ST18: variants seen among roughly 807,000 people sequenced by gnomAD.
ST18 encodes suppression of tumorigenicity 18 protein.
In ST18, 50 loss-of-function variants were observed where a neutral mutation model predicts 110.0. The ratio of observed to expected loss-of-function variants is 0.45; its 90% CI spans 0.36 to 0.58. The LOEUF (loss-of-function observed/expected upper bound fraction) is 0.58, where lower values mean the gene tolerates loss of function less well. Among genes scored for constraint, ST18 ranks in the 20% least tolerant of loss-of-function variants. The probability of loss-of-function intolerance (pLI) is 0.00; values close to 1 mark genes in which losing one functional copy is unlikely to be tolerated. For missense variants in ST18, 1,306 were observed against 1,280.1 expected (o/e 1.02, Z -0.31); for synonymous variants, 461 against 452.4 (o/e 1.02, Z -0.24).
chr8:52,302,667 T>C (rs1370277002), intron 2 of ST18, among the ~76,000 whole-genome samples: 2 of 152,172 alleles, frequency 1.3e-5, no homozygotes, highest in African/African-American at 4.8e-5. Flanking sequence ...TATGGGAATA[T>C]ATCAAAAGGA....
intron 2 of ST18, chr8:52,408,971 C>A (rs7814488): frequency 0.71 from 107,782 of 152,168 alleles, 38,599 homozygotes; most frequent in Admixed American, 0.77. Context: ...AGTCAGTCCC[C>A]GTGCAAATAT....
intron 2 of ST18, among the ~76,000 whole-genome samples, chr8:52,382,044 T>C (rs554680215): frequency 3.5e-4 from 53 of 152,002 alleles, no homozygotes; most frequent in African/African-American, 1.3e-3. Flanking sequence ...GGAAAACTTA[T>C]GATGTTTCCT....
intron 8 of ST18, among the ~76,000 whole-genome samples, chr8:52,192,935 AC>A (rs1483922674): frequency 1.3e-5 from 2 of 152,088 alleles, no homozygotes; most frequent in Admixed American, 1.3e-4. Flanking sequence ...GGAGTCACTG[AC>A]CCTGGTCACT....
chr8:52,298,651 G>T (rs796234030), intron 2 of ST18, among the ~76,000 whole-genome samples: 2 of 152,272 alleles, frequency 1.3e-5, no homozygotes, highest in African/African-American at 4.8e-5. Context: ...TTTCAGCTTA[G>T]CATTCAACTG....
At chr8:52,234,273 A>AT (rs138620539) in intron 2 of ST18, among the ~76,000 whole-genome samples, 17,555 of 150,914 alleles carry the variant, frequency 0.12, 1,364 homozygotes, top group Middle Eastern at 0.21. Flanking sequence ...TAGAACTACC[A>AT]TTTTTTTTTG....
chr8:52,148,042 TA>T (rs1361955680), intron 16 of ST18, among the ~76,000 whole-genome samples: 1 of 151,968 alleles, frequency 6.6e-6, no homozygotes, highest in African/African-American at 2.4e-5. Flanking sequence ...TAGACATAAT[TA>T]GGTGTAACCT....
intron 5 of ST18, 142 bp downstream of exon 5, chr8:52,220,599 A>T (rs2086263918): frequency 6.6e-6 from 1 of 152,214 alleles, no homozygotes; most frequent in Non-Finnish European, 1.5e-5. Flanking sequence ...TTGCAATTCT[A>T]AATTCAACAC....
In ST18 at chr8:52,274,399, T is replaced by C. The variant is rs796912912; in HGVS notation, c.-464-44322A>G. Among the ~76,000 whole-genome samples the C allele has an allele frequency of 4.6e-5, 7 of 152,308 alleles. 1 individual carries two copies. Among genetic ancestry groups the C allele is most frequent in the African/African-American group, 1.4e-4 (6 of 41,572 alleles). ...TAAATACTAGAAATATATGTATATATGTAAAATATACATTTCCTTTACCTG... is the reference window on the plus strand; with the variant it reads ...TAAATACTAGAAATATATGTATATACGTAAAATATACATTTCCTTTACCTG... On this transcript the variant is annotated intron_variant, in intron 2 of 25. Coordinates refer to ENST00000689386, the MANE Select transcript of ST18 (RefSeq NM_001352837.2).
intron 9 of ST18, among the ~76,000 whole-genome samples, chr8:52,174,596 G>A (rs2066184264): frequency 6.6e-6 from 1 of 152,192 alleles, no homozygotes; most frequent in African/African-American, 2.4e-5. Context: ...AGAGGCGGGA[G>A]TGACAAAAAT....
At chr8:52,303,300 C>T (rs2095759233) in intron 2 of ST18, among the ~76,000 whole-genome samples, 1 of 152,246 alleles carries the variant, frequency 6.6e-6, no homozygotes, top group African/African-American at 2.4e-5. Context: ...AGATGCATCC[C>T]TCCAGTCTTT....
chr8:52,228,404 T>C (rs559746695), intron 3 of ST18, among the ~76,000 whole-genome samples: 1 of 152,356 alleles, frequency 6.6e-6, no homozygotes, highest in African/African-American at 2.4e-5. Context: ...TTTTCTCACT[T>C]ACATTTTCCA....
chr8:52,379,516 A>G (rs1414064688), intron 2 of ST18, among the ~76,000 whole-genome samples: 4 of 152,100 alleles, frequency 2.6e-5, no homozygotes, highest in Admixed American at 6.6e-5. Context: ...ACATATGCAG[A>G]TTTTTTTCAA....
chr8:52,126,002 C>A (rs2046913769), intron 23 of ST18, 50 bp downstream of exon 23: 1 of 1,487,204 alleles, frequency 6.7e-7, no homozygotes, highest in Non-Finnish European at 9.2e-7. Flanking sequence ...TTTGGGGAGC[C>A]AGGGTCTACA....
At chr8:52,302,339 G>GTACATGGTTTTCAATAAT (rs2095738852) in intron 2 of ST18, among the ~76,000 whole-genome samples, 1 of 152,000 alleles carries the variant, frequency 6.6e-6, no homozygotes, top group Non-Finnish European at 1.5e-5. Context: ...TTTTCAATAA[G>GTACATGGTTTTCAATAAT]TACATGGTTT....
At chr8:52,380,849 G>A (rs1834260270) in intron 2 of ST18, among the ~76,000 whole-genome samples, 1 of 152,178 alleles carries the variant, frequency 6.6e-6, no homozygotes, top group South Asian at 2.1e-4. Context: ...TATTGACTAT[G>A]AATGAATGAA....
At chr8:52,276,113 C>CACGT (rs2095239978) in intron 2 of ST18, among the ~76,000 whole-genome samples, 1 of 6,532 alleles carries the variant, frequency 1.5e-4, no homozygotes, top group Admixed American at 1.5e-3. Context: ...AAACACACAC[C>CACGT]GCACCTATCA....
chr8:52,286,928 G>C (rs1451621104), intron 2 of ST18, among the ~76,000 whole-genome samples: 3 of 151,962 alleles, frequency 2.0e-5, no homozygotes, highest in Non-Finnish European at 4.4e-5. Flanking sequence ...ACCCACCACG[G>C]CTTGATTCTG....
Position 52,149,749 on chromosome 8 carries a change from T to A in ST18, c.2035A>T (p.Thr679Ser). The stretch of plus-strand genomic sequence containing the variant: ...AACAATACCTCTTTCTCCTCCTCTG[T>A]CTTCCCGTGAGTTTTGCTATAGTTG... ...PINYSKTHGK[T>S]EEEKEKDPVS... is the part of the protein sequence containing the mutation. Residue 679 changes from threonine to serine, a missense_variant, in exon 16 of 26, where the codon ACA becomes TCA. Coordinates refer to ENST00000689386, the MANE Select transcript of ST18 (RefSeq NM_001352837.2). 6.2e-7 allele frequency: 1 copy of A among 1,614,072 alleles called. No homozygotes were observed.
chr8:52,319,072 C>T (rs1179512916), intron 2 of ST18, among the ~76,000 whole-genome samples: 1 of 151,866 alleles, frequency 6.6e-6, no homozygotes, highest in African/African-American at 2.4e-5. Context: ...TGTACATGTA[C>T]CCCTGAACTT....
Sources: allele counts gnomAD v4.1 joint callset (sites outside exome capture counted in the v4.1 genomes callset), GRCh38; gene constraint gnomAD v4.1.1; transcripts MANE v1.5; gene names NCBI Gene and HGNC (gene_info 2026-07-23, HGNC 2026-07-21).